Variants in ROBO1 observed in about 807,000 individuals in gnomAD.
The protein encoded by ROBO1 is roundabout guidance receptor 1.
Under a neutral mutation model 195.9 loss-of-function variants are expected in ROBO1, and 149 were observed. The ratio of observed to expected loss-of-function variants is 0.76; its 90% CI spans 0.67 to 0.87. ROBO1 has a LOEUF of 0.87. ROBO1 is among the 40% of genes least tolerant of loss of function. The probability of loss-of-function intolerance (pLI) is 0.00; values close to 1 mark genes in which losing one functional copy is unlikely to be tolerated. For synonymous variants in ROBO1, 816 were observed against 733.2 expected (o/e 1.11, Z -1.82); for missense variants, 1,933 against 2,068.3 (o/e 0.93, Z 1.27).
Position 78,902,457 on chromosome 3 carries a change from CT to C in ROBO1, c.499+36143del, listed in dbSNP as rs376825344. Among the ~76,000 whole-genome samples the C allele has an allele frequency of 2.8e-4, 42 of 152,090 alleles. No individual in the cohort carries two copies. In the East Asian group the frequency reaches 6.8e-3, roughly 25 times the overall value. On this transcript the variant is annotated intron_variant, in intron 4 of 30. Coordinates refer to ENST00000464233, the MANE Select transcript of ROBO1 (RefSeq NM_002941.4). ...ATGGGCTTTGATACACAAAGAATAG[CT>C]TTTAAGTATGCTTCAAACTGCAAAT...
intron 3 of ROBO1, among the ~76,000 whole-genome samples, chr3:79,090,349 TTAAA>T (rs2079455563): frequency 6.6e-6 from 1 of 152,168 alleles, no homozygotes; most frequent in Non-Finnish European, 1.5e-5. Context: ...CCTTCATGTC[TTAAA>T]TAGTGTCTAA....
intron 2 of ROBO1, among the ~76,000 whole-genome samples, chr3:79,581,792 A>G (rs1428669116): frequency 1.3e-5 from 2 of 152,134 alleles, no homozygotes; most frequent in Non-Finnish European, 2.9e-5. Flanking sequence ...GAATGAAAGA[A>G]CTTTAAAAAA....
intron 3 of ROBO1, among the ~76,000 whole-genome samples, chr3:78,948,863 A>G (rs1204253339): frequency 2.0e-5 from 3 of 152,200 alleles, no homozygotes; most frequent in African/African-American, 4.8e-5. Flanking sequence ...CTTATACGCC[A>G]ATAACAGACA....
At position 78,614,753 on chromosome 3, in the gene ROBO1, C is replaced by T. The variant is rs367940062; in HGVS notation, c.4330G>A (p.Val1444Met). The T allele has an allele frequency of 1.1e-4, 183 of 1,611,904 alleles. 3 individuals are homozygous for T. Among genetic ancestry groups the T allele is most frequent in the South Asian group, 1.1e-3 (100 of 91,004 alleles). Residue 1444 changes from valine to methionine, a missense_variant, in exon 28 of 31, where the codon GTG becomes ATG. Around this residue, in one of 3 missense-constraint regions of ROBO1, gnomAD observed 1,737 missense variants for 1,882.5 expected, o/e 0.92. Coordinates refer to ENST00000464233, the MANE Select transcript of ROBO1 (RefSeq NM_002941.4). ...GCACTCATGTTGCTGTCTGTAGACA[C>T]GGGACTTGTGGGCCTAGGGCACTGA... ...ASQCPRPTSP[V>M]STDSNMSAAV...
At chr3:79,723,112 G>A (rs1702773951) in intron 1 of ROBO1, among the ~76,000 whole-genome samples, 1 of 152,124 alleles carries the variant, frequency 6.6e-6, no homozygotes, top group South Asian at 2.1e-4. Context: ...AGAAAGCACA[G>A]TCTACACCAA....
intron 2 of ROBO1, among the ~76,000 whole-genome samples, chr3:79,336,803 A>G (rs1359144888): frequency 6.6e-6 from 1 of 152,212 alleles, no homozygotes; most frequent in Non-Finnish European, 1.5e-5. Context: ...CTGTGAAAGC[A>G]GCTGGAAGGG....
At chr3:79,447,132 A>G (rs868316815) in intron 2 of ROBO1, among the ~76,000 whole-genome samples, 1 of 152,084 alleles carries the variant, frequency 6.6e-6, no homozygotes, top group Non-Finnish European at 1.5e-5. Flanking sequence ...CGCGGCCCAA[A>G]ATGTAAACTT....
intron 2 of ROBO1, among the ~76,000 whole-genome samples, chr3:79,344,996 C>T (rs2035055913): frequency 6.6e-6 from 1 of 152,096 alleles, no homozygotes; most frequent in Non-Finnish European, 1.5e-5. Flanking sequence ...CTGAGGCCTC[C>T]CCAGTCATGC....
At position 79,232,097 on chromosome 3, in the gene ROBO1, C is replaced by T. The variant is rs761590147; in HGVS notation, c.89-106558G>A. Among the ~76,000 whole-genome samples the T allele has an allele frequency of 1.2e-4, 18 of 151,762 alleles. 1 individual carries two copies. The highest frequency in any genetic ancestry group is 3.1e-4 in the African/African-American group (13 of 41,354). On this transcript the variant is annotated intron_variant, in intron 2 of 30. Coordinates refer to ENST00000464233, the MANE Select transcript of ROBO1 (RefSeq NM_002941.4). ...CAAGAGGATCAGGGAAAATAACTAA[C>T]GGATACTAGGCTTAATACTTGGGTG...
At chr3:79,656,093 C>T (rs1238744248) in intron 1 of ROBO1, among the ~76,000 whole-genome samples, 2 of 152,048 alleles carry the variant, frequency 1.3e-5, no homozygotes, top group Non-Finnish European at 2.9e-5. Flanking sequence ...TATTCTCTTC[C>T]ACACCTTCTA....
At chr3:78,668,701 G>T in intron 11 of ROBO1, 136 bp from the exon 12 acceptor site, 1 of 636,276 alleles carries the variant, frequency 1.6e-6, no homozygotes, top group South Asian at 2.7e-5. Flanking sequence ...CTTCCCCTTA[G>T]TTGAATATAT....
At chr3:79,437,553 T>C (rs549879665) in intron 2 of ROBO1, among the ~76,000 whole-genome samples, 2 of 151,916 alleles carry the variant, frequency 1.3e-5, no homozygotes, top group Non-Finnish European at 2.9e-5. Context: ...TAATCAACAA[T>C]AAAATGTGCA....
chr3:79,617,678 G>T (rs1410982630), intron 1 of ROBO1, among the ~76,000 whole-genome samples: 1 of 151,882 alleles, frequency 6.6e-6, no homozygotes, highest in Non-Finnish European at 1.5e-5. Flanking sequence ...CACTCCCAAA[G>T]GATCACACTC....
chr3:79,288,191 G>T (rs998275258), intron 2 of ROBO1, among the ~76,000 whole-genome samples: 2 of 152,030 alleles, frequency 1.3e-5, no homozygotes, highest in East Asian at 3.9e-4. Context: ...TTTTCTTAGT[G>T]AAAGGTTTAA....
At chr3:79,074,320 T>C (rs6548612) in intron 3 of ROBO1, among the ~76,000 whole-genome samples, 109,370 of 151,858 alleles carry the variant, frequency 0.72, 40,735 homozygotes, top group South Asian at 0.84. Flanking sequence ...AGACAAAGTA[T>C]ATATAAATAG....
intron 2 of ROBO1, among the ~76,000 whole-genome samples, chr3:79,479,667 C>CA (rs1181071207): frequency 6.6e-6 from 1 of 152,056 alleles, no homozygotes; most frequent in Non-Finnish European, 1.5e-5. Context: ...TCTACAATAT[C>CA]AAAAAAGCCT....
chr3:78,800,000 C>G (rs887204037), intron 4 of ROBO1, among the ~76,000 whole-genome samples: 1 of 152,152 alleles, frequency 6.6e-6, no homozygotes, highest in Non-Finnish European at 1.5e-5. Flanking sequence ...CCAGTACCTC[C>G]TTACAGGGCC....
At chr3:78,662,273 CT>C (rs1245425909) in intron 14 of ROBO1, among the ~76,000 whole-genome samples, 159 bp from the exon 15 acceptor site, 2 of 150,804 alleles carry the variant, frequency 1.3e-5, no homozygotes, top group African/African-American at 4.9e-5. Flanking sequence ...ATAATTTAAC[CT>C]TTTTATTAGG....
At chr3:78,943,021 T>C (rs2040222487) in intron 3 of ROBO1, among the ~76,000 whole-genome samples, 1 of 152,006 alleles carries the variant, frequency 6.6e-6, no homozygotes. Context: ...GAGACCATCC[T>C]GGTTAACATG....
Sources: allele counts gnomAD v4.1 joint callset (sites outside exome capture counted in the v4.1 genomes callset), GRCh38; gene constraint gnomAD v4.1.1; regional missense constraint gnomAD v4.1.1; transcripts MANE v1.5; gene names NCBI Gene and HGNC (gene_info 2026-07-23, HGNC 2026-07-21).